KLF12: variants seen among roughly 807,000 people sequenced by gnomAD.
KLF12 encodes Krueppel-like factor 12.
Under a neutral mutation model 37.8 loss-of-function variants are expected in KLF12, and 9 were observed. The observed-to-expected ratio is 0.24, with a 90% CI of 0.14 to 0.42. The LOEUF (loss-of-function observed/expected upper bound fraction) is 0.42, where lower values mean the gene tolerates loss of function less well. Among genes scored for constraint, KLF12 ranks in the 10% least tolerant of loss-of-function variants. The pLI is 1.00. For missense variants in KLF12, 411 were observed against 516.0 expected (o/e 0.80, Z 1.97); for synonymous variants, 208 against 202.1 (o/e 1.03, Z -0.25).
chr13:73,958,590 A>G (rs1890922449), intron 2 of KLF12, among the ~76,000 whole-genome samples: 1 of 152,150 alleles, frequency 6.6e-6, no homozygotes, highest in Admixed American at 6.5e-5. Flanking sequence ...AACAAAAATC[A>G]TAACTTCTTT....
At chr13:73,930,236 A>G (rs1037450395) in intron 3 of KLF12, among the ~76,000 whole-genome samples, 2 of 152,240 alleles carry the variant, frequency 1.3e-5, no homozygotes, top group Non-Finnish European at 2.9e-5. Context: ...TAGAAATGTT[A>G]TATCATAAAA....
intron 3 of KLF12, among the ~76,000 whole-genome samples, chr13:73,906,063 CA>C (rs1432132443): frequency 6.6e-5 from 10 of 152,134 alleles, no homozygotes; most frequent in Non-Finnish European, 1.3e-4. Flanking sequence ...CTGTATCATT[CA>C]TCCAAGTCAT....
the KLF12 span, among the ~76,000 whole-genome samples, chr13:74,246,283 G>C: frequency 6.6e-6 from 1 of 152,182 alleles, no homozygotes; most frequent in African/African-American, 2.4e-5. Context: ...GATGAACTAG[G>C]AATAGCACAT....
Position 74,007,496 on chromosome 13 carries a change from C to T in KLF12, c.-31-12443G>A, listed in dbSNP as rs537788989. Among the ~76,000 whole-genome samples, 7 of 152,016 alleles carry T rather than the reference C, an allele frequency of 4.6e-5. No individual in the cohort carries two copies. In the East Asian group the frequency reaches 7.8e-4, roughly 17 times the overall value. The stretch of plus-strand genomic sequence containing the variant: ...TTCACCGTGTTCGCCAGGATGGTCC[C>T]GATCTCCTGACCTCGTGATCCGCCC... On this transcript the variant is annotated intron_variant, in intron 1 of 7. Coordinates refer to ENST00000377669, the MANE Select transcript of KLF12 (RefSeq NM_007249.5).
chr13:73,970,785 T>C (rs1891311367), intron 2 of KLF12, among the ~76,000 whole-genome samples: 1 of 152,204 alleles, frequency 6.6e-6, no homozygotes. Context: ...AATGTTTAGG[T>C]TCTTCAATGT....
At chr13:73,827,462 A>C (rs555312637) in intron 4 of KLF12, among the ~76,000 whole-genome samples, 1 of 152,310 alleles carries the variant, frequency 6.6e-6, no homozygotes, top group East Asian at 1.9e-4. Context: ...CCATGTTGTC[A>C]ATTCTCCTCC....
chr13:73,722,301 G>A (rs1876326428), intron 6 of KLF12, among the ~76,000 whole-genome samples: 1 of 152,184 alleles, frequency 6.6e-6, no homozygotes, highest in Non-Finnish European at 1.5e-5. Flanking sequence ...CAGTAAGACA[G>A]ATTCTATTCA....
At chr13:74,068,631 A>T (rs138348085) in intron 1 of KLF12, among the ~76,000 whole-genome samples, 127 of 149,552 alleles carry the variant, frequency 8.5e-4, no homozygotes, top group African/African-American at 3.1e-3. Flanking sequence ...ATCTCAGCAC[A>T]CTGCAGCCTA....
chr13:73,945,821 G>C (rs1890397803), intron 2 of KLF12, among the ~76,000 whole-genome samples: 1 of 152,132 alleles, frequency 6.6e-6, no homozygotes, highest in South Asian at 2.1e-4. Flanking sequence ...CTTTTGACTT[G>C]TCCCTTTTTT....
chr13:74,155,508 C>T, the KLF12 span, among the ~76,000 whole-genome samples: 1 of 152,000 alleles, frequency 6.6e-6, no homozygotes, highest in Non-Finnish European at 1.5e-5. Context: ...ATTACAAGCA[C>T]CCGCCACCAT....
intron 5 of KLF12, among the ~76,000 whole-genome samples, chr13:73,804,180 G>T (rs776789448): frequency 3.3e-5 from 5 of 151,982 alleles, no homozygotes; most frequent in African/African-American, 1.2e-4. Flanking sequence ...TGTTCCACTC[G>T]GAGTTACATG....
chr13:73,763,616 T>C (rs1879709701), intron 6 of KLF12, among the ~76,000 whole-genome samples: 1 of 152,196 alleles, frequency 6.6e-6, no homozygotes, highest in Non-Finnish European at 1.5e-5. Flanking sequence ...CTCTGTTATT[T>C]ACTCCATGTT....
the KLF12 span, among the ~76,000 whole-genome samples, chr13:74,247,164 T>A: frequency 6.6e-6 from 1 of 152,218 alleles, no homozygotes; most frequent in African/African-American, 2.4e-5. Context: ...ATATCTTTGA[T>A]ATCTTGTTTC....
At chr13:74,286,942 G>A in the KLF12 span, among the ~76,000 whole-genome samples, 2 of 152,176 alleles carry the variant, frequency 1.3e-5, no homozygotes, top group African/African-American at 4.8e-5. Context: ...AAACCAAGCT[G>A]TAGCTATCAT....
At chr13:73,887,461 C>T (rs1257662726) in intron 3 of KLF12, among the ~76,000 whole-genome samples, 2 of 152,086 alleles carry the variant, frequency 1.3e-5, no homozygotes, top group Non-Finnish European at 2.9e-5. Context: ...GAGCTTGGCC[C>T]TTCCTCCTCT....
intron 3 of KLF12, among the ~76,000 whole-genome samples, chr13:73,877,418 A>G (rs1025764185): frequency 2.0e-5 from 3 of 152,174 alleles, no homozygotes; most frequent in African/African-American, 7.2e-5. Context: ...TTTTAGCTGA[A>G]TGCTTTAGAA....
the KLF12 span, among the ~76,000 whole-genome samples, chr13:74,280,597 A>G: frequency 6.6e-6 from 1 of 152,188 alleles, no homozygotes. Context: ...GGATCAAAAC[A>G]TGATCTCTGG....
chr13:74,167,807 G>T, the KLF12 span, among the ~76,000 whole-genome samples: 4 of 152,116 alleles, frequency 2.6e-5, no homozygotes, highest in African/African-American at 7.2e-5. Flanking sequence ...AAACAGCAAT[G>T]CCTCATTAAA....
At chr13:73,803,649 A>G (rs1468581803) in intron 5 of KLF12, among the ~76,000 whole-genome samples, 1 of 151,788 alleles carries the variant, frequency 6.6e-6, no homozygotes, top group East Asian at 1.9e-4. Context: ...ATTTTTGTCT[A>G]TTTTATCCAA....
Sources: allele counts gnomAD v4.1 joint callset (sites outside exome capture counted in the v4.1 genomes callset), GRCh38; gene constraint gnomAD v4.1.1; transcripts MANE v1.5; gene names NCBI Gene and HGNC (gene_info 2026-07-23, HGNC 2026-07-21).